The following RSRC1 variants were observed in gnomAD, a reference collection of about 807,000 sequenced individuals.
RSRC1 encodes arginine and serine rich coiled-coil 1, also known as serine/Arginine-related protein 53.
RSRC1 carries 39 observed loss-of-function variants against 49.1 expected under a neutral mutation model. The ratio of observed to expected loss-of-function variants is 0.79; its 90% CI spans 0.61 to 1.04. The LOEUF (loss-of-function observed/expected upper bound fraction) is 1.04. Among genes scored for constraint, RSRC1 ranks in the 50% least tolerant of loss-of-function variants. RSRC1 has a pLI of 0.00. For synonymous variants in RSRC1, 143 were observed against 130.8 expected, an observed-to-expected ratio of 1.09 and a Z score of -0.63; for missense variants, 388 against 402.4, an observed-to-expected ratio of 0.96 and a Z score of 0.31.
Position 158,149,416 on chromosome 3 carries a change from C to T in RSRC1, c.320+25425C>T, listed in dbSNP as rs1281045581. Among the ~76,000 whole-genome samples, 3 of 152,030 alleles carry T rather than the reference C, an allele frequency of 2.0e-5. No individual in the cohort carries two copies. The East Asian group carries it at 5.8e-4, about 29-fold the overall frequency. ...CTGCCTGCCTTAAGATCAGGTATTC[C>T]CATCTGGTTTGGTCACGCGTGACTA... On this transcript the variant is annotated intron_variant, in intron 3 of 9. Coordinates refer to ENST00000611884, the MANE Select transcript of RSRC1 (RefSeq NM_001271838.2).
chr3:158,444,018 G>T (rs184520778), intron 6 of RSRC1, among the ~76,000 whole-genome samples: 19 of 152,258 alleles, frequency 1.2e-4, no homozygotes, highest in Admixed American at 3.9e-4. Flanking sequence ...GGCCTGGTTT[G>T]TGGCATCCCA....
chr3:158,491,017 A>G (rs188196416), intron 7 of RSRC1, among the ~76,000 whole-genome samples: 33 of 152,276 alleles, frequency 2.2e-4, no homozygotes, highest in Admixed American at 2.0e-3. Flanking sequence ...TATTATTCTG[A>G]TATTTATGAG....
chr3:158,113,891 C>T (rs1040501975), intron 1 of RSRC1, among the ~76,000 whole-genome samples: 1 of 151,876 alleles, frequency 6.6e-6, no homozygotes, highest in Admixed American at 6.6e-5. Flanking sequence ...CTTATAGACT[C>T]TGGATATTAG....
At position 158,262,470 on chromosome 3, in the gene RSRC1, A is replaced by G. The variant is rs190712961; in HGVS notation, c.495-35569A>G. Reference sequence around the variant, plus strand: ...TCATTTCTAGACATTTTGTTGTTTTACACTGAAGTACTTGGAATCATGTGG... The same window carrying G: ...TCATTTCTAGACATTTTGTTGTTTTGCACTGAAGTACTTGGAATCATGTGG... On this transcript the variant is annotated intron_variant, in intron 4 of 9. Coordinates refer to ENST00000611884, the MANE Select transcript of RSRC1 (RefSeq NM_001271838.2). Among the ~76,000 whole-genome samples the G allele has an allele frequency of 1.4e-3, 212 of 152,270 alleles. 1 individual carries two copies. The highest frequency in any genetic ancestry group is 1.4e-3 in the Non-Finnish European group (96 of 68,018).
chr3:158,255,076 T>A (rs1578249064), intron 4 of RSRC1, among the ~76,000 whole-genome samples: 1 of 151,724 alleles, frequency 6.6e-6, no homozygotes, highest in South Asian at 2.1e-4. Flanking sequence ...TGATTAGATC[T>A]CATTTGTCTA....
At chr3:158,377,051 C>T (rs1011111901) in intron 6 of RSRC1, among the ~76,000 whole-genome samples, 2 of 152,100 alleles carry the variant, frequency 1.3e-5, no homozygotes, top group Admixed American at 6.5e-5. Flanking sequence ...TGTTGGCTTT[C>T]TTTTTTCTGA....
intron 5 of RSRC1, among the ~76,000 whole-genome samples, chr3:158,347,322 G>A (rs1376609804): frequency 6.6e-6 from 1 of 152,124 alleles, no homozygotes; most frequent in Non-Finnish European, 1.5e-5. Flanking sequence ...TTGATTGAAT[G>A]TAGTGACAAG....
intron 3 of RSRC1, among the ~76,000 whole-genome samples, chr3:158,165,571 G>A (rs1559926028): frequency 6.6e-6 from 1 of 152,206 alleles, no homozygotes; most frequent in Non-Finnish European, 1.5e-5. Context: ...AATCAATTTT[G>A]GTGGGCTTCA....
chr3:158,346,439 T>C (rs1730558978), intron 5 of RSRC1, among the ~76,000 whole-genome samples: 1 of 152,194 alleles, frequency 6.6e-6, no homozygotes, highest in Non-Finnish European at 1.5e-5. Context: ...CTCTGGAAAC[T>C]CAATTTTGAG....
intron 3 of RSRC1, among the ~76,000 whole-genome samples, chr3:158,154,786 A>C (rs1717761282): frequency 6.6e-6 from 1 of 152,176 alleles, no homozygotes; most frequent in Non-Finnish European, 1.5e-5. Context: ...AATTAGAGTC[A>C]GTCTTCTCAA....
At chr3:158,166,532 T>A (rs73874314) in intron 3 of RSRC1, among the ~76,000 whole-genome samples, 12,402 of 152,278 alleles carry the variant, frequency 0.081, 603 homozygotes, top group South Asian at 0.13. Flanking sequence ...ATTTCCTTAA[T>A]GTTAATGCTT....
At chr3:158,173,196 A>G (rs1276007765) in intron 3 of RSRC1, among the ~76,000 whole-genome samples, 2 of 151,934 alleles carry the variant, frequency 1.3e-5, no homozygotes, top group African/African-American at 4.8e-5. Context: ...CTTTATATGC[A>G]TTTAAACATA....
chr3:158,215,432 A>G (rs576911541), intron 4 of RSRC1, among the ~76,000 whole-genome samples: 2 of 151,546 alleles, frequency 1.3e-5, no homozygotes, highest in African/African-American at 4.8e-5. Flanking sequence ...CATTTTAAAA[A>G]TCCATTCTGA....
chr3:158,216,805 C>G (rs778395573), intron 4 of RSRC1, among the ~76,000 whole-genome samples: 1 of 151,632 alleles, frequency 6.6e-6, no homozygotes, highest in African/African-American at 2.4e-5. Flanking sequence ...CCTTCCAAAC[C>G]GTTGTTCGTC....
At chr3:158,149,004 G>A (rs946759249) in intron 3 of RSRC1, among the ~76,000 whole-genome samples, 7 of 151,996 alleles carry the variant, frequency 4.6e-5, no homozygotes, top group African/African-American at 1.7e-4. Flanking sequence ...GGCTGGTCTC[G>A]AACTCCTGAC....
intron 6 of RSRC1, among the ~76,000 whole-genome samples, chr3:158,371,864 TTGTA>T (rs546688505): frequency 1.4e-4 from 21 of 151,952 alleles, no homozygotes; most frequent in African/African-American, 4.6e-4. Context: ...TGACAATACT[TTGTA>T]TGGTTAGTTT....
intron 7 of RSRC1, among the ~76,000 whole-genome samples, chr3:158,479,234 A>T (rs6762774): frequency 0.2 from 30,460 of 148,636 alleles, 3,675 homozygotes; most frequent in African/African-American, 0.34. Flanking sequence ...TATTATTTTT[A>T]AAATGTTTTT....
chr3:158,348,660 G>A (rs150978758), intron 5 of RSRC1, among the ~76,000 whole-genome samples: 1,967 of 151,864 alleles, frequency 0.013, 26 homozygotes, highest in Non-Finnish European at 0.019. Flanking sequence ...TGGTGGGATC[G>A]GGCTTCTAGT....
chr3:158,317,223 TTTTG>T (rs746121288), intron 5 of RSRC1, among the ~76,000 whole-genome samples: 1 of 152,114 alleles, frequency 6.6e-6, no homozygotes, highest in African/African-American at 2.4e-5. Flanking sequence ...TACTTAGGTA[TTTTG>T]TTTGTTTGTT....
Sources: allele counts gnomAD v4.1 joint callset (sites outside exome capture counted in the v4.1 genomes callset), GRCh38; gene constraint gnomAD v4.1.1; transcripts MANE v1.5; gene names NCBI Gene and HGNC (gene_info 2026-07-23, HGNC 2026-07-21).